CCPG1: variants seen among roughly 807,000 people sequenced by gnomAD.
CCPG1 encodes cell cycle progression 1.
A neutral mutation model predicts 81.3 loss-of-function variants in CCPG1; 46 were observed. The observed-to-expected ratio is 0.57, with a 90% confidence interval of 0.45 to 0.72. The LOEUF is 0.72. Ranked by LOEUF, CCPG1 falls within the 30% of genes least tolerant of loss-of-function variation. The probability of loss-of-function intolerance (pLI) is 0.00; values close to 1 mark genes in which losing one functional copy is unlikely to be tolerated. For missense variants in CCPG1, 902 were observed against 937.6 expected, an observed-to-expected ratio of 0.96 and a Z score of 0.50; for synonymous variants, 330 against 305.2, an observed-to-expected ratio of 1.08 and a Z score of -0.85.
chr15:55,396,592 C>G (rs759960423), intron 1 of CCPG1, among the ~76,000 whole-genome samples: 42 of 152,170 alleles, frequency 2.8e-4, no homozygotes, highest in Non-Finnish European at 4.1e-4. Context: ...GCAAGAGTCA[C>G]CACACATTCA....
In CCPG1 at chr15:55,360,420, C is replaced by A; in HGVS notation, c.1353G>T (p.Leu451Phe). The A allele has an allele frequency of 6.2e-7, 1 of 1,613,834 alleles. No homozygotes were observed. The highest frequency in any genetic ancestry group is 8.5e-7 in the Non-Finnish European group (1 of 1,180,016). The change falls in exon 8 of 9, where the codon TTG becomes TTT. Residue 451 changes from leucine (L) to phenylalanine (F), a missense_variant. Physicochemically the swap from Leu to Phe is conservative, Grantham distance 22. This residue lies in a region of CCPG1 where 746 missense variants were observed against 728.6 expected (regional missense o/e 1.02). Coordinates refer to ENST00000442196, the MANE Select transcript of CCPG1 (RefSeq NM_001204450.2). ...EQQRSDLWER[L>F]YVEAKDQNGK... ...CATTTTGATCTTTTGCCTCAACATA[C>A]AATCTTTCCCACAAATCAGAACGCT...
intron 3 of CCPG1, among the ~76,000 whole-genome samples, chr15:55,381,813 T>TGC (rs372123045): frequency 0.32 from 35,311 of 110,170 alleles, 5,187 homozygotes; most frequent in Non-Finnish European, 0.39. Context: ...GAAGTATACA[T>TGC]AATACAGATT....
chr15:55,374,551 G>A (rs978970504), intron 5 of CCPG1, among the ~76,000 whole-genome samples: 10 of 152,086 alleles, frequency 6.6e-5, no homozygotes, highest in African/African-American at 2.4e-4. Flanking sequence ...AATCCTTAAG[G>A]ATGAAGAAAG....
At chr15:55,402,629 G>A (rs949905256) in intron 1 of CCPG1, among the ~76,000 whole-genome samples, 1 of 152,142 alleles carries the variant, frequency 6.6e-6, no homozygotes, top group African/African-American at 2.4e-5. Context: ...CTCATAGCCA[G>A]AGATAACTTC....
At chr15:55,393,257 A>G (rs2056957296) in intron 1 of CCPG1, among the ~76,000 whole-genome samples, 1 of 152,172 alleles carries the variant, frequency 6.6e-6, no homozygotes, top group African/African-American at 2.4e-5. Flanking sequence ...CAACATAGTG[A>G]GACTCCCCAT....
chr15:55,399,734 A>G (rs1262070611), intron 1 of CCPG1: 1 of 152,214 alleles, frequency 6.6e-6, no homozygotes, highest in African/African-American at 2.4e-5. Flanking sequence ...GAAAGTGAAG[A>G]CATTCCAAAA....
At chr15:55,370,559 G>C (rs1049211026) in intron 6 of CCPG1, among the ~76,000 whole-genome samples, 1 of 152,194 alleles carries the variant, frequency 6.6e-6, no homozygotes, top group African/African-American at 2.4e-5. Context: ...GGGAGGCTGA[G>C]TGGGGTGGAT....
At chr15:55,378,151 C>T in intron 4 of CCPG1, 149 bp downstream of exon 4, 1 of 459,644 alleles carries the variant, frequency 2.2e-6, no homozygotes, top group Non-Finnish European at 3.8e-6. Flanking sequence ...AAATACTTTG[C>T]TTAGATGTCC....
At chr15:55,366,746 T>C (rs1432101675) in intron 6 of CCPG1, among the ~76,000 whole-genome samples, 5 of 152,158 alleles carry the variant, frequency 3.3e-5, no homozygotes, top group African/African-American at 1.2e-4. Context: ...CACTCCAGCC[T>C]GGGCAACAAG....
chr15:55,388,218 G>A (rs2056842893), intron 2 of CCPG1, among the ~76,000 whole-genome samples: 1 of 151,910 alleles, frequency 6.6e-6, no homozygotes, highest in African/African-American at 2.4e-5. Flanking sequence ...AAAACAAATG[G>A]GAAAATTATA....
intron 5 of CCPG1, among the ~76,000 whole-genome samples, chr15:55,373,712 A>C (rs1011213025): frequency 2.0e-5 from 3 of 152,256 alleles, no homozygotes; most frequent in Non-Finnish European, 4.4e-5. Context: ...AAAGGCATTC[A>C]TGATCATGGT....
intron 1 of CCPG1, among the ~76,000 whole-genome samples, chr15:55,400,458 A>G (rs2057107790): frequency 6.6e-6 from 1 of 152,046 alleles, no homozygotes; most frequent in South Asian, 2.1e-4. Context: ...CAGTGAGCCG[A>G]GATCACACCA....
chr15:55,384,743 G>A (rs1462024579), intron 3 of CCPG1, among the ~76,000 whole-genome samples: 6 of 152,024 alleles, frequency 3.9e-5, no homozygotes, highest in African/African-American at 9.7e-5. Flanking sequence ...ATATGCTATC[G>A]GAAAAATGGC....
chr15:55,398,768 G>A (rs2057070900), intron 1 of CCPG1, among the ~76,000 whole-genome samples: 1 of 152,066 alleles, frequency 6.6e-6, no homozygotes, highest in South Asian at 2.1e-4. Context: ...TTTTAGTAGA[G>A]ATGCGGTTTC....
chr15:55,377,177 T>C (rs1464937616), intron 4 of CCPG1, 27 bp from the exon 5 acceptor site: 1 of 1,510,154 alleles, frequency 6.6e-7, no homozygotes, highest in African/African-American at 1.4e-5. Context: ...TTAGAGATGG[T>C]AAGTTCAACA....
chr15:55,381,585 C>T (rs114213932), intron 3 of CCPG1, among the ~76,000 whole-genome samples: 2 of 152,146 alleles, frequency 1.3e-5, no homozygotes, highest in Non-Finnish European at 2.9e-5. Context: ...TAGTAATAAT[C>T]AACGTGTAGG....
chr15:55,391,887 AGG>A (rs61200003), intron 1 of CCPG1, among the ~76,000 whole-genome samples: 2 of 44,752 alleles, frequency 4.5e-5, no homozygotes, highest in African/African-American at 1.4e-4. Context: ...AAAAAAAAAA[AGG>A]GGGGGGGGGG....
chr15:55,403,392 T>G (rs1260008058), intron 1 of CCPG1, among the ~76,000 whole-genome samples: 1 of 149,478 alleles, frequency 6.7e-6, no homozygotes, highest in Non-Finnish European at 1.5e-5. Flanking sequence ...GAATAGTGAT[T>G]TGGATAAGTA....
chr15:55,359,576 A>G lies in CCPG1; in HGVS notation c.2197T>C (p.Phe733Leu). Residue 733 changes from phenylalanine (F) to leucine (L), a missense_variant, in exon 8 of 9, where the codon TTC (phenylalanine) becomes CTC (leucine). This residue lies in a region of CCPG1 where 128 missense variants were observed against 161.2 expected (regional missense o/e 0.79). Transcript: ENST00000442196. ...EKLDEYIYRH[F>L]FGHTFSPPYG... ...GGAGGGGAAAAAGTGTGACCAAAGA[A>G]GTGTCTATATATATATTCATCCAAC... 1 of 1,611,688 alleles carries G rather than the reference A, an allele frequency of 6.2e-7. No individual in the cohort carries two copies. Among genetic ancestry groups the G allele is most frequent in the Non-Finnish European group, 8.5e-7 (1 of 1,179,348 alleles).
Sources: allele counts gnomAD v4.1 joint callset (sites outside exome capture counted in the v4.1 genomes callset), GRCh38; gene constraint gnomAD v4.1.1; regional missense constraint gnomAD v4.1.1; transcripts MANE v1.5; gene names NCBI Gene and HGNC (gene_info 2026-07-23, HGNC 2026-07-21).